Variants in SLC24A2 observed in about 807,000 individuals in gnomAD.
SLC24A2 encodes solute carrier family 24 member 2.
A neutral mutation model predicts 62.0 loss-of-function variants in SLC24A2; 36 were observed. That is an observed-to-expected ratio of 0.58 (90% CI 0.44 to 0.77). The LOEUF (loss-of-function observed/expected upper bound fraction) is 0.77. Ranked by LOEUF, SLC24A2 falls within the 30% of genes least tolerant of loss-of-function variation. The probability of loss-of-function intolerance (pLI) is 0.00; values close to 1 mark genes in which losing one functional copy is unlikely to be tolerated. For missense variants in SLC24A2, 846 were observed against 817.9 expected (o/e 1.03, Z -0.42); for synonymous variants, 358 against 294.0 (o/e 1.22, Z -2.23).
At chr9:19,875,435 C>T in the SLC24A2 span, among the ~76,000 whole-genome samples, 3 of 152,264 alleles carry the variant, frequency 2.0e-5, no homozygotes, top group Non-Finnish European at 2.9e-5. Context: ...GAAAAGCATA[C>T]CGATGAGGAC....
chr9:19,898,324 G>A, the SLC24A2 span, among the ~76,000 whole-genome samples: 112 of 152,306 alleles, frequency 7.4e-4, no homozygotes, highest in Non-Finnish European at 1.4e-3. Flanking sequence ...ACTGGACAAA[G>A]AAGACTCCTC....
chr9:19,867,684 CA>C, the SLC24A2 span, among the ~76,000 whole-genome samples: 1 of 152,096 alleles, frequency 6.6e-6, no homozygotes, highest in Admixed American at 6.6e-5. Flanking sequence ...ACAAGGCAGG[CA>C]GATAACGAGG....
the SLC24A2 span, among the ~76,000 whole-genome samples, chr9:20,222,807 T>C: frequency 6.6e-6 from 1 of 152,066 alleles, no homozygotes; most frequent in Admixed American, 6.6e-5. Flanking sequence ...CAACTAGAAT[T>C]ATAAATGATA....
At chr9:19,848,018 T>A in the SLC24A2 span, among the ~76,000 whole-genome samples, 77 of 152,336 alleles carry the variant, frequency 5.1e-4, no homozygotes, top group African/African-American at 1.6e-3. Flanking sequence ...TGTTCAAATT[T>A]GACAACCATC....
the SLC24A2 span, among the ~76,000 whole-genome samples, chr9:19,995,205 T>C: frequency 0.014 from 2,141 of 152,252 alleles, 43 homozygotes; most frequent in African/African-American, 0.048. Context: ...CTTTCTTCTT[T>C]CACGCGTATC....
chr9:19,645,712 C>T (rs538700374), intron 2 of SLC24A2, among the ~76,000 whole-genome samples: 1 of 152,274 alleles, frequency 6.6e-6, no homozygotes, highest in East Asian at 1.9e-4. Flanking sequence ...GGATACACCC[C>T]ACACCGCAAT....
chr9:20,100,726 T>C, the SLC24A2 span, among the ~76,000 whole-genome samples: 11 of 152,356 alleles, frequency 7.2e-5, no homozygotes, highest in Middle Eastern at 3.4e-3. Flanking sequence ...CTACAACAGA[T>C]TCAAGTTGTC....
chr9:20,062,968 C>T, the SLC24A2 span, among the ~76,000 whole-genome samples: 2,650 of 116,368 alleles, frequency 0.023, 391 homozygotes, highest in African/African-American at 0.092. Context: ...GTTAGAATGA[C>T]GATCATTAAA....
chr9:19,788,650 C>T, intron 1 of SLC24A2: 1 of 985,456 alleles, frequency 1.0e-6, no homozygotes, highest in Non-Finnish European at 1.2e-6. Flanking sequence ...ACGGCAGGCC[C>T]TGCCCCACGC....
intron 2 of SLC24A2, among the ~76,000 whole-genome samples, chr9:19,751,907 C>T (rs542755946): frequency 2.0e-5 from 3 of 152,326 alleles, no homozygotes; most frequent in African/African-American, 7.2e-5. Flanking sequence ...TGAGCACAGG[C>T]ATTATAATTC....
chr9:20,179,905 T>C, the SLC24A2 span, among the ~76,000 whole-genome samples: 1 of 152,190 alleles, frequency 6.6e-6, no homozygotes, highest in Admixed American at 6.5e-5. Context: ...GGCACACTTA[T>C]GACCAAAAAT....
intron 5 of SLC24A2, among the ~76,000 whole-genome samples, chr9:19,584,273 T>TAAACAAAA (rs1836294291): frequency 8.3e-6 from 1 of 119,946 alleles, no homozygotes; most frequent in Non-Finnish European, 1.7e-5. Flanking sequence ...TAGCAAATAG[T>TAAACAAAA]AAAAAAAAAA....
At chr9:19,594,796 G>A (rs75468898) in intron 5 of SLC24A2, among the ~76,000 whole-genome samples, 1 of 152,318 alleles carries the variant, frequency 6.6e-6, no homozygotes, top group East Asian at 1.9e-4. Context: ...TTATTTTCCA[G>A]TGGGAGGGGA....
At chr9:20,294,187 G>C in the SLC24A2 span, among the ~76,000 whole-genome samples, 1 of 152,096 alleles carries the variant, frequency 6.6e-6, no homozygotes, top group African/African-American at 2.4e-5. Context: ...GTGCAGTACA[G>C]ATCCCATATC....
At chr9:19,884,616 C>T in the SLC24A2 span, among the ~76,000 whole-genome samples, 2 of 151,946 alleles carry the variant, frequency 1.3e-5, no homozygotes, top group Non-Finnish European at 2.9e-5. Flanking sequence ...ACATATGGTT[C>T]CTGGCTTACA....
At chr9:19,554,403 G>T (rs1834984152) in intron 7 of SLC24A2, among the ~76,000 whole-genome samples, 1 of 152,178 alleles carries the variant, frequency 6.6e-6, no homozygotes. Flanking sequence ...GGATATGGGA[G>T]GATATATATT....
chr9:19,991,369 T>C, the SLC24A2 span, among the ~76,000 whole-genome samples: 4 of 152,136 alleles, frequency 2.6e-5, no homozygotes. Flanking sequence ...AGTCCTTCCA[T>C]GTTCTTCTGC....
intron 2 of SLC24A2, among the ~76,000 whole-genome samples, chr9:19,692,993 G>C (rs1820086233): frequency 6.6e-6 from 1 of 152,126 alleles, no homozygotes; most frequent in Non-Finnish European, 1.5e-5. Flanking sequence ...TTGTGTTTCT[G>C]TCCATAAAAT....
At chr9:20,211,761 G>A in the SLC24A2 span, among the ~76,000 whole-genome samples, 1 of 151,890 alleles carries the variant, frequency 6.6e-6, no homozygotes, top group African/African-American at 2.4e-5. Flanking sequence ...CGAGGAAAGG[G>A]AACATAAAAA....
Sources: gnomAD v4.1 joint callset for allele counts (sites outside exome capture counted in the v4.1 genomes callset) on GRCh38, gnomAD v4.1.1 for gene constraint, MANE v1.5 for transcripts, NCBI Gene and HGNC (gene_info 2026-07-23, HGNC 2026-07-21) for gene names.